Variants in SYNE1 observed in about 807,000 individuals in gnomAD.
SYNE1 encodes the protein spectrin repeat containing nuclear envelope protein 1.
In SYNE1, 616 loss-of-function variants were observed where a neutral mutation model predicts 1,111.0. That is an observed-to-expected ratio of 0.55 (90% CI 0.52 to 0.59). The LOEUF is 0.59. SYNE1 is among the 20% of genes least tolerant of loss of function. SYNE1 has a pLI of 0.00. For synonymous variants in SYNE1, 3,855 were observed against 3,825.8 expected, an observed-to-expected ratio of 1.01 and a Z score of -0.28; for missense variants, 10,006 against 10,417.0, an observed-to-expected ratio of 0.96 and a Z score of 1.72.
intron 76 of SYNE1, chr6:152,335,980 C>T (rs1228428844): frequency 1.3e-5 from 2 of 151,724 alleles, no homozygotes; most frequent in Non-Finnish European, 2.9e-5. Context: ...AGCCACCACA[C>T]CCGGCCACAA....
chr6:152,539,924 C>T (rs1432846865), intron 4 of SYNE1, 36 bp downstream of exon 4: 1 of 1,608,112 alleles, frequency 6.2e-7, no homozygotes, highest in African/African-American at 1.3e-5. Flanking sequence ...CTGGCTCAAC[C>T]TAAGTAAACC....
At chr6:152,263,951 T>C (rs1018315881) in intron 100 of SYNE1, among the ~76,000 whole-genome samples, 1 of 151,898 alleles carries the variant, frequency 6.6e-6, no homozygotes, top group Non-Finnish European at 1.5e-5. Flanking sequence ...GTGTGGTGGC[T>C]CATGCCCAGC....
At chr6:152,253,138 AT>A (rs1261943127) in intron 104 of SYNE1, among the ~76,000 whole-genome samples, 4 of 152,122 alleles carry the variant, frequency 2.6e-5, no homozygotes, top group Non-Finnish European at 5.9e-5. Context: ...CTGGCAAAGG[AT>A]ATTGGATAAA....
chr6:152,227,427 C>T (rs970213988), intron 115 of SYNE1, among the ~76,000 whole-genome samples: 1 of 152,060 alleles, frequency 6.6e-6, no homozygotes, highest in Non-Finnish European at 1.5e-5. Context: ...GTTAGACACT[C>T]ACGCATTTGG....
chr6:152,593,580 A>T (rs1012915601), intron 3 of SYNE1, among the ~76,000 whole-genome samples: 3 of 146,618 alleles, frequency 2.0e-5, no homozygotes, highest in African/African-American at 7.5e-5. Flanking sequence ...AGACTCCTTT[A>T]AAAAAAAAAA....
chr6:152,273,002 T>C (rs115351168), intron 98 of SYNE1, among the ~76,000 whole-genome samples: 4,458 of 152,338 alleles, frequency 0.029, 243 homozygotes, highest in African/African-American at 0.1. Flanking sequence ...CAGGAAGCTC[T>C]AATTATTTTA....
chr6:152,557,276 A>G (rs764087850), intron 3 of SYNE1, among the ~76,000 whole-genome samples: 1 of 152,168 alleles, frequency 6.6e-6, no homozygotes, highest in African/African-American at 2.4e-5. Context: ...AAGAATGGAA[A>G]AAAAGGATGA....
chr6:152,350,239 T>C lies in SYNE1; in HGVS notation c.11830A>G (p.Arg3944Gly). 6.2e-7 allele frequency: 1 copy of C among 1,614,164 alleles called. No individual in the cohort carries two copies. Among genetic ancestry groups the C allele is most frequent in the Non-Finnish European group, 8.5e-7 (1 of 1,180,036 alleles). The change falls in exon 72 of 146, where the codon AGA (arginine) becomes GGA (glycine). Residue 3944 changes from arginine to glycine, a missense_variant. Coordinates refer to ENST00000367255, the MANE Select transcript of SYNE1 (RefSeq NM_182961.4). The part of the protein sequence containing the change: ...VEKWLLQMSG[R>G]LVAPDLLETS... ...TCCAGGAGGTCAGGTGCCACCAGTC[T>C]GCCAGACATCTGCAGCAGCCACTTT...
intron 49 of SYNE1, 66 bp from the exon 50 acceptor site, chr6:152,397,046 A>G: frequency 6.6e-7 from 1 of 1,523,046 alleles, no homozygotes. Flanking sequence ...CTGAAGTAGT[A>G]AAGCAGGAGA....
chr6:152,152,645 C>T (rs1470532896), intron 133 of SYNE1, among the ~76,000 whole-genome samples: 1 of 152,156 alleles, frequency 6.6e-6, no homozygotes, highest in Non-Finnish European at 1.5e-5. Context: ...CTCAATTCTG[C>T]TGTCCATTAG....
intron 66 of SYNE1, among the ~76,000 whole-genome samples, chr6:152,357,306 T>A (rs2096855259): frequency 6.6e-6 from 1 of 152,190 alleles, no homozygotes. Flanking sequence ...CTTGCCATTA[T>A]ACAATTTCCA....
rs1261145534 is a variant in SYNE1, at chr6:152,284,056, C to CA, written c.18128dup (p.Leu6043PhefsTer32). On this transcript the variant is annotated frameshift_variant, in exon 96 of 146. Transcript: ENST00000367255. LOFTEE classifies it high-confidence loss of function. ...CGGCTAAGACAGTGAGCGTGGACTG[C>CA]AAGGCCAGCTGCTCCGCAGGGTCGG... The CA allele has an allele frequency of 1.2e-6, 2 of 1,614,216 alleles. No individual in the cohort carries two copies. The highest frequency in any genetic ancestry group is 1.7e-6 in the Non-Finnish European group (2 of 1,180,036).
intron 87 of SYNE1, among the ~76,000 whole-genome samples, chr6:152,314,978 C>A (rs545895972): frequency 3.5e-5 from 5 of 141,354 alleles, no homozygotes; most frequent in African/African-American, 1.0e-4. Context: ...GGCGATAGAG[C>A]GAAATGCTGT....
intron 128 of SYNE1, among the ~76,000 whole-genome samples, chr6:152,181,356 G>A (rs2068035273): frequency 6.6e-6 from 1 of 152,158 alleles, no homozygotes; most frequent in South Asian, 2.1e-4. Context: ...AGGTTGCAGT[G>A]AGCCGAGATT....
At chr6:152,212,743 C>T (rs546733627) in intron 123 of SYNE1, among the ~76,000 whole-genome samples, 252 of 152,182 alleles carry the variant, frequency 1.7e-3, no homozygotes, top group African/African-American at 5.8e-3. Context: ...TTTTACATTC[C>T]CATCAGCAAT....
chr6:152,419,407 T>C (rs1363200038), intron 40 of SYNE1, among the ~76,000 whole-genome samples, 162 bp downstream of exon 40: 1 of 152,218 alleles, frequency 6.6e-6, no homozygotes, highest in Non-Finnish European at 1.5e-5. Flanking sequence ...GCATAATTCA[T>C]TGCCTTAACT....
Position 152,344,243 on chromosome 6 carries a change from C to T in SYNE1, c.12079-16G>A. 1 of 1,614,078 alleles carries T rather than the reference C, an allele frequency of 6.2e-7. No homozygotes were observed. The highest frequency in any genetic ancestry group is 1.1e-5 in the South Asian group (1 of 91,068). On this transcript the variant is annotated splice_polypyrimidine_tract_variant and intron_variant, in intron 73 of 145. Coordinates refer to ENST00000367255, the MANE Select transcript of SYNE1 (RefSeq NM_182961.4). ...TCTGGTACATCTGAGACAATACAAT[C>T]ATGCTGAGATTATGAGAACTGCTTT...
At chr6:152,155,117 C>A (rs573804306) in intron 132 of SYNE1, 75 bp from the exon 133 acceptor site, 1 of 1,584,700 alleles carries the variant, frequency 6.3e-7, no homozygotes, top group Non-Finnish European at 8.7e-7. Context: ...CTGCTGCCTG[C>A]GACTGGATTA....
chr6:152,570,975 G>T (rs1305673967), intron 3 of SYNE1, among the ~76,000 whole-genome samples: 1 of 152,078 alleles, frequency 6.6e-6, no homozygotes, highest in Admixed American at 6.5e-5. Flanking sequence ...GCACAAAGGG[G>T]GATTCATCCC....
Sources: allele counts gnomAD v4.1 joint callset (sites outside exome capture counted in the v4.1 genomes callset), GRCh38; gene constraint gnomAD v4.1.1; transcripts MANE v1.5; gene names NCBI Gene and HGNC (gene_info 2026-07-23, HGNC 2026-07-21).